The following LINGO2 variants were observed in gnomAD, a reference collection of about 807,000 sequenced individuals.
LINGO2 encodes the protein leucine-rich repeat and immunoglobulin-like domain-containing nogo receptor-interacting protein 2.
LINGO2 carries 14 observed loss-of-function variants against 30.6 expected under a neutral mutation model. The ratio of observed to expected loss-of-function variants is 0.46; its 90% CI spans 0.30 to 0.72. The LOEUF (loss-of-function observed/expected upper bound fraction) is 0.72, where lower values mean the gene tolerates loss of function less well. LINGO2 is among the 30% of genes least tolerant of loss of function. LINGO2 has a pLI of 0.07. For missense variants in LINGO2, 729 were observed against 751.7 expected (o/e 0.97, Z 0.35); for synonymous variants, 317 against 288.5 (o/e 1.10, Z -1.00).
downstream of LINGO2, among the ~76,000 whole-genome samples, chr9:27,945,525 C>A (rs550435060): frequency 6.6e-6 from 1 of 151,978 alleles, no homozygotes; most frequent in Admixed American, 6.6e-5. Context: ...GAATGAAAAC[C>A]AACTGGAGTG....
chr9:28,742,869 T>G, the LINGO2 span, among the ~76,000 whole-genome samples: 1 of 151,958 alleles, frequency 6.6e-6, no homozygotes, highest in Admixed American at 6.5e-5. Flanking sequence ...TCAAATACAT[T>G]ATACTTATAT....
chr9:29,213,502 C>A, the LINGO2 span, among the ~76,000 whole-genome samples: 1 of 152,060 alleles, frequency 6.6e-6, no homozygotes, highest in Non-Finnish European at 1.5e-5. Context: ...GGCGGCGGCG[C>A]CAGGTGAGGA....
intron 1 of LINGO2, among the ~76,000 whole-genome samples, chr9:28,515,204 ATTTTTT>A (rs58265226): frequency 3.9e-5 from 4 of 102,978 alleles, no homozygotes; most frequent in African/African-American, 6.6e-5. Flanking sequence ...TAAGAAATAC[ATTTTTT>A]TTTTTTTTTT....
At chr9:28,766,823 A>T in the LINGO2 span, among the ~76,000 whole-genome samples, 1 of 23,798 alleles carries the variant, frequency 4.2e-5, no homozygotes, top group African/African-American at 2.5e-4. Flanking sequence ...AGAGAGAGAG[A>T]GAGAGAAGGA....
chr9:28,918,538 A>G, the LINGO2 span, among the ~76,000 whole-genome samples: 1 of 152,156 alleles, frequency 6.6e-6, no homozygotes, highest in African/African-American at 2.4e-5. Flanking sequence ...TCAAATAGCC[A>G]TTTGTGACCC....
chr9:28,579,793 T>C (rs964278433), intron 1 of LINGO2, among the ~76,000 whole-genome samples: 11 of 152,026 alleles, frequency 7.2e-5, no homozygotes, highest in Non-Finnish European at 1.5e-4. Context: ...CCAGAAATAA[T>C]GATGAATTGG....
At chr9:28,505,138 C>T (rs764132631) in intron 1 of LINGO2, among the ~76,000 whole-genome samples, 1 of 151,728 alleles carries the variant, frequency 6.6e-6, no homozygotes, top group Admixed American at 6.6e-5. Context: ...AAAAATTAAC[C>T]AACTATAATG....
At chr9:28,176,359 AG>A (rs1264518329) in intron 4 of LINGO2, among the ~76,000 whole-genome samples, 1 of 152,184 alleles carries the variant, frequency 6.6e-6, no homozygotes, top group Non-Finnish European at 1.5e-5. Context: ...AATTAAATGC[AG>A]CCCTTATTTC....
intron 4 of LINGO2, among the ~76,000 whole-genome samples, chr9:28,058,223 C>G (rs1006836672): frequency 1.3e-5 from 2 of 152,068 alleles, no homozygotes; most frequent in African/African-American, 4.8e-5. Flanking sequence ...TTGGCAGTCT[C>G]AAGATGGGGT....
chr9:28,203,974 C>T (rs1305713696), intron 4 of LINGO2, among the ~76,000 whole-genome samples: 1 of 152,092 alleles, frequency 6.6e-6, no homozygotes, highest in African/African-American at 2.4e-5. Context: ...AGTGTGCATT[C>T]TGAATCTTCA....
At chr9:28,771,949 C>G in the LINGO2 span, among the ~76,000 whole-genome samples, 1 of 152,090 alleles carries the variant, frequency 6.6e-6, no homozygotes, top group South Asian at 2.1e-4. Context: ...TATCTACACT[C>G]ATGGAATAAC....
intron 1 of LINGO2, among the ~76,000 whole-genome samples, chr9:28,556,237 C>T (rs1008119522): frequency 1.3e-5 from 2 of 152,016 alleles, no homozygotes; most frequent in African/African-American, 2.4e-5. Flanking sequence ...GATTGTATAT[C>T]TAGAAAACCC....
At chr9:28,438,188 G>A (rs1159530519) in intron 2 of LINGO2, among the ~76,000 whole-genome samples, 1 of 152,148 alleles carries the variant, frequency 6.6e-6, no homozygotes, top group Non-Finnish European at 1.5e-5. Flanking sequence ...GTGGGATGGT[G>A]AATTTTATGG....
At chr9:28,300,316 A>T (rs997181811) in intron 3 of LINGO2, among the ~76,000 whole-genome samples, 1 of 152,252 alleles carries the variant, frequency 6.6e-6, no homozygotes, top group Admixed American at 6.5e-5. Context: ...TATCATTTTC[A>T]TTTCAGAACC....
chr9:29,012,412 C>T, the LINGO2 span, among the ~76,000 whole-genome samples: 1 of 151,964 alleles, frequency 6.6e-6, no homozygotes, highest in South Asian at 2.1e-4. Context: ...AGAACTTAAA[C>T]GGTTGCCTAA....
the LINGO2 span, among the ~76,000 whole-genome samples, chr9:28,706,428 T>C: frequency 2.6e-5 from 4 of 152,136 alleles, no homozygotes; most frequent in Non-Finnish European, 4.4e-5. Flanking sequence ...GAATAGAATA[T>C]TTTAAAAAAT....
At chr9:28,535,958 G>A (rs1821421605) in intron 1 of LINGO2, among the ~76,000 whole-genome samples, 2 of 152,216 alleles carry the variant, frequency 1.3e-5, no homozygotes, top group South Asian at 4.1e-4. Context: ...AGCTGGACCT[G>A]AGATTCCAGC....
chr9:28,264,091 C>T (rs116865209), intron 4 of LINGO2, among the ~76,000 whole-genome samples: 1 of 151,902 alleles, frequency 6.6e-6, no homozygotes, highest in East Asian at 1.9e-4. Context: ...AAATCTGTAG[C>T]CATCAAATCA....
chr9:28,368,285 T>C (rs2134550630), intron 3 of LINGO2, among the ~76,000 whole-genome samples: 1 of 152,286 alleles, frequency 6.6e-6, no homozygotes, highest in African/African-American at 2.4e-5. Flanking sequence ...GATTGGAATC[T>C]CTGGGTGTGT....
Sources: gnomAD v4.1 joint callset for allele counts (sites outside exome capture counted in the v4.1 genomes callset) on GRCh38, gnomAD v4.1.1 for gene constraint, MANE v1.5 for transcripts, NCBI Gene and HGNC (gene_info 2026-07-23, HGNC 2026-07-21) for gene names.